The following RGS5 variants were observed in gnomAD, a reference collection of about 807,000 sequenced individuals.
RGS5 encodes regulator of G protein signaling 5, also known as regulator of G-protein signalling 5.
In RGS5, 20 loss-of-function variants were observed where a neutral mutation model predicts 18.9. The ratio of observed to expected loss-of-function variants is 1.06; its 90% CI spans 0.74 to 1.54. RGS5 has a LOEUF of 1.54. RGS5 is among the 40% of genes most tolerant of loss of function. The pLI is 0.00. For missense variants in RGS5, 201 were observed against 211.8 expected (o/e 0.95, Z 0.32); for synonymous variants, 57 against 76.2 (o/e 0.75, Z 1.31).
Position 163,147,274 on chromosome 1 carries a change from T to G in RGS5, c.*68A>C. On this transcript the variant is annotated 3_prime_UTR_variant, in exon 5 of 5. Transcript: ENST00000313961. ...AGCTGCTGTGGGAAGATATGTAGAT[T>G]AATGGGAAATGCAGGGTTATTATGG... 1 of 1,471,548 alleles carries G rather than the reference T, an allele frequency of 6.8e-7. No individual in the cohort carries two copies. The highest frequency in any genetic ancestry group is 1.4e-5 in the South Asian group (1 of 70,538). 91.2% of individuals were successfully genotyped at this position (1,471,548 alleles called of 1,614,324 possible).
At chr1:163,285,438 C>A (rs1649117924) in intron 2 of RGS5, among the ~76,000 whole-genome samples, 1 of 151,976 alleles carries the variant, frequency 6.6e-6, no homozygotes, top group African/African-American at 2.4e-5. Flanking sequence ...ACTTGTAATC[C>A]CAGCTACTCG....
intron 2 of RGS5, among the ~76,000 whole-genome samples, chr1:163,293,491 C>A (rs1649347234): frequency 1.3e-5 from 2 of 152,194 alleles, no homozygotes; most frequent in Admixed American, 6.5e-5. Context: ...AACCTCCCAC[C>A]AGGTCCCTTC....
At chr1:163,172,615 A>T (rs1328410429) in intron 1 of RGS5, 1 of 1,549,522 alleles carries the variant, frequency 6.5e-7, no homozygotes, top group Non-Finnish European at 8.7e-7. Flanking sequence ...GGGAGAAAAG[A>T]TATTCAGTGC....
chr1:163,204,957 T>A (rs1407634183), upstream of RGS5, among the ~76,000 whole-genome samples: 1 of 152,006 alleles, frequency 6.6e-6, no homozygotes, highest in South Asian at 2.1e-4. Context: ...CCCAAAGGAG[T>A]TCATGTGATG....
Position 163,144,270 on chromosome 1 carries a change from A to G in RGS5, c.*3072T>C. ...AAGATTATTCACATGCTTGAAGGCT[A>G]TTCACACTGCTTTAACAAATAAACA... On this transcript the variant is annotated 3_prime_UTR_variant, in exon 5 of 5. Coordinates refer to ENST00000313961, the MANE Select transcript of RGS5 (RefSeq NM_003617.4). 6.6e-6 allele frequency: 1 copy of G among 152,138 alleles called. No individual in the cohort carries two copies. Among genetic ancestry groups the G allele is most frequent in the South Asian group, 2.1e-4 (1 of 4,822 alleles). The allele number at this position is 152,138 out of a possible 1,614,324, so 9.4% of individuals were successfully genotyped here. A position where few individuals can be genotyped will look rare whatever the true frequency, so the allele number is the denominator to read the frequency against.
intron 1 of RGS5, among the ~76,000 whole-genome samples, chr1:163,313,414 G>C (rs1214088779): frequency 6.6e-6 from 1 of 152,188 alleles, no homozygotes; most frequent in Non-Finnish European, 1.5e-5. Context: ...AAAACTGAGA[G>C]AGAACTTTAT....
At chr1:163,269,261 C>T (rs1648650746) in intron 2 of RGS5, among the ~76,000 whole-genome samples, 1 of 152,092 alleles carries the variant, frequency 6.6e-6, no homozygotes, top group African/African-American at 2.4e-5. Flanking sequence ...TAGAGAAGGG[C>T]ACCTCAGTTT....
At chr1:163,315,158 C>A (rs1395825934) in intron 1 of RGS5, among the ~76,000 whole-genome samples, 1 of 152,140 alleles carries the variant, frequency 6.6e-6, no homozygotes, top group Non-Finnish European at 1.5e-5. Context: ...AATTAGACTA[C>A]ATTAAGATCA....
chr1:163,270,351 A>AG (rs1411147545), intron 2 of RGS5, among the ~76,000 whole-genome samples: 2 of 82,092 alleles, frequency 2.4e-5, no homozygotes, highest in African/African-American at 8.8e-5. Context: ...ATCTCTATTG[A>AG]GAAAAAAAAA....
intron 2 of RGS5, chr1:163,267,225 GC>G (rs1200045568): frequency 6.6e-6 from 1 of 152,044 alleles, no homozygotes; most frequent in Admixed American, 6.6e-5. Context: ...GGGTGTACAT[GC>G]TTTCACCCTC....
At chr1:163,174,919 CAA>C (rs1658481160) in intron 1 of RGS5, among the ~76,000 whole-genome samples, 2 of 152,096 alleles carry the variant, frequency 1.3e-5, no homozygotes, top group Non-Finnish European at 2.9e-5. Context: ...AACACATTTC[CAA>C]AAGAGGTGTC....
chr1:163,320,971 T>C (rs1650186001), intron 1 of RGS5, among the ~76,000 whole-genome samples: 1 of 152,166 alleles, frequency 6.6e-6, no homozygotes, highest in Admixed American at 6.5e-5. Context: ...CAGATACAAG[T>C]CCTATTACGT....
intron 1 of RGS5, among the ~76,000 whole-genome samples, chr1:163,175,120 T>C (rs1311178822): frequency 6.6e-6 from 1 of 152,124 alleles, no homozygotes; most frequent in Non-Finnish European, 1.5e-5. Flanking sequence ...ATGTCTGGAA[T>C]AGATACCCAG....
chr1:163,168,096 GA>G lies in RGS5; in HGVS notation c.155+161del, dbSNP rs1012108352. Among the ~76,000 whole-genome samples the G allele has an allele frequency of 4.8e-4, 70 of 144,578 alleles. 1 individual carries two copies. The highest frequency in any genetic ancestry group is 8.0e-4 in the East Asian group (4 of 5,030). The allele number at this position is 144,578 out of a possible 152,430, so 94.8% of individuals were successfully genotyped here. On this transcript the variant is annotated intron_variant, in intron 2 of 4. Transcript: ENST00000313961. ...GATGCTCCAGACATGAGATAGTTGA[GA>G]AAAAAAAAAAGAGCTTCTTTGCAAA...
chr1:163,217,138 G>A (rs1363424599), intron 1 of RGS5, among the ~76,000 whole-genome samples: 3 of 152,146 alleles, frequency 2.0e-5, no homozygotes, highest in Non-Finnish European at 2.9e-5. Context: ...TGAGTACTAG[G>A]TTTAGTGGCT....
intron 3 of RGS5, among the ~76,000 whole-genome samples, chr1:163,156,542 C>A (rs1189422814): frequency 1.3e-5 from 2 of 152,108 alleles, no homozygotes; most frequent in South Asian, 2.1e-4. Flanking sequence ...GCTTCTATAT[C>A]TTTTCCATTA....
At chr1:163,187,890 G>A (rs1659161102) in intron 1 of RGS5, among the ~76,000 whole-genome samples, 1 of 152,118 alleles carries the variant, frequency 6.6e-6, no homozygotes, top group Non-Finnish European at 1.5e-5. Context: ...ACTGGTAGGG[G>A]GAGTGGTCTT....
intron 1 of RGS5, among the ~76,000 whole-genome samples, chr1:163,188,961 A>G: frequency 6.6e-6 from 1 of 151,700 alleles, no homozygotes; most frequent in Non-Finnish European, 1.5e-5. Flanking sequence ...CAAAAAAAAA[A>G]AAAAAAAAAA....
At chr1:163,169,580 C>A (rs1012783535) in intron 1 of RGS5, among the ~76,000 whole-genome samples, 1 of 152,066 alleles carries the variant, frequency 6.6e-6, no homozygotes, top group Non-Finnish European at 1.5e-5. Context: ...TGGTATCTCA[C>A]TGTGGTTTTG....
Sources: allele counts gnomAD v4.1 joint callset (sites outside exome capture counted in the v4.1 genomes callset), GRCh38; gene constraint gnomAD v4.1.1; transcripts MANE v1.5; gene names NCBI Gene and HGNC (gene_info 2026-07-23, HGNC 2026-07-21).